GALNTL6: variants seen among roughly 807,000 people sequenced by gnomAD.
GALNTL6 encodes the protein polypeptide N-acetylgalactosaminyltransferase-like 6.
A neutral mutation model predicts 73.7 loss-of-function variants in GALNTL6; 46 were observed. The observed-to-expected ratio is 0.62, with a 90% CI of 0.49 to 0.80. GALNTL6 has a LOEUF of 0.80. GALNTL6 is among the 30% of genes least tolerant of loss of function. The pLI, the probability that GALNTL6 is intolerant of heterozygous loss-of-function variation, is 0.00. For synonymous variants in GALNTL6, 259 were observed against 263.7 expected (o/e 0.98, Z 0.17); for missense variants, 604 against 755.0 (o/e 0.80, Z 2.34).
At chr4:171,937,815 A>G (rs1560849414) in intron 2 of GALNTL6, among the ~76,000 whole-genome samples, 1 of 152,194 alleles carries the variant, frequency 6.6e-6, no homozygotes, top group Non-Finnish European at 1.5e-5. Context: ...CCCCAATTTT[A>G]GTGTTTTAAT....
chr4:171,925,047 G>T (rs144061460), intron 2 of GALNTL6, among the ~76,000 whole-genome samples: 1 of 152,096 alleles, frequency 6.6e-6, no homozygotes, highest in African/African-American at 2.4e-5. Context: ...AATGAAATGC[G>T]CAGGAAAACT....
At chr4:172,601,466 G>T (rs1181193731) in intron 5 of GALNTL6, among the ~76,000 whole-genome samples, 1 of 152,064 alleles carries the variant, frequency 6.6e-6, no homozygotes, top group Non-Finnish European at 1.5e-5. Context: ...CTGAAAATAG[G>T]TTGTTATAAA....
intron 2 of GALNTL6, among the ~76,000 whole-genome samples, chr4:171,996,293 G>C (rs1740480967): frequency 6.6e-6 from 1 of 152,042 alleles, no homozygotes; most frequent in African/African-American, 2.4e-5. Flanking sequence ...AAAAGCAGTA[G>C]CTCCATTTTC....
chr4:171,955,427 T>C (rs1347045012), intron 2 of GALNTL6, among the ~76,000 whole-genome samples: 1 of 151,932 alleles, frequency 6.6e-6, no homozygotes, highest in Non-Finnish European at 1.5e-5. Context: ...TGACCCCCGA[T>C]ATTCATGAAA....
intron 12 of GALNTL6, among the ~76,000 whole-genome samples, chr4:173,038,088 A>T (rs1452604835): frequency 6.6e-6 from 1 of 152,220 alleles, no homozygotes; most frequent in Non-Finnish European, 1.5e-5. Context: ...AAATACAGAT[A>T]GTGAAGAGGG....
intron 5 of GALNTL6, among the ~76,000 whole-genome samples, chr4:172,473,753 A>G (rs1463082716): frequency 6.6e-6 from 1 of 152,150 alleles, no homozygotes; most frequent in African/African-American, 2.4e-5. Flanking sequence ...GCTTTTCACC[A>G]CTTTGTCTAA....
At chr4:172,155,337 T>C (rs1734222555) in intron 2 of GALNTL6, among the ~76,000 whole-genome samples, 1 of 152,180 alleles carries the variant, frequency 6.6e-6, no homozygotes, top group South Asian at 2.1e-4. Flanking sequence ...GCTTGTTCAT[T>C]GCTTCCACCA....
chr4:172,335,905 C>T (rs966058854), intron 4 of GALNTL6, among the ~76,000 whole-genome samples: 3 of 152,030 alleles, frequency 2.0e-5, no homozygotes, highest in Admixed American at 6.5e-5. Context: ...TTTGGTTTTG[C>T]GATCCTTTGT....
intron 2 of GALNTL6, among the ~76,000 whole-genome samples, chr4:172,002,958 G>A (rs896576889): frequency 1.2e-4 from 19 of 152,142 alleles, no homozygotes; most frequent in Admixed American, 1.2e-3. Context: ...TAGGCTACAT[G>A]TAACACAATT....
intron 7 of GALNTL6, among the ~76,000 whole-genome samples, chr4:172,820,238 TAAC>T (rs1341308687): frequency 6.6e-6 from 1 of 152,180 alleles, no homozygotes; most frequent in Non-Finnish European, 1.5e-5. Flanking sequence ...ACAAAGGAGA[TAAC>T]AACAGATTGA....
chr4:172,069,535 A>ATGTTATATATAACACATAAATGTG (rs58953734), intron 2 of GALNTL6, among the ~76,000 whole-genome samples: 1 of 55,972 alleles, frequency 1.8e-5, no homozygotes, highest in South Asian at 5.0e-4. Flanking sequence ...TAACACATAT[A>ATGTTATATATAACACATAAATGTG]TTATATATAA....
intron 7 of GALNTL6, among the ~76,000 whole-genome samples, chr4:172,834,755 GC>G (rs1416859535): frequency 6.6e-6 from 1 of 152,214 alleles, no homozygotes; most frequent in Admixed American, 6.5e-5. Context: ...ATGGCCATTG[GC>G]CGCTTTCCTC....
chr4:172,021,743 T>C (rs1267799465), intron 2 of GALNTL6, among the ~76,000 whole-genome samples: 1 of 151,940 alleles, frequency 6.6e-6, no homozygotes, highest in Non-Finnish European at 1.5e-5. Flanking sequence ...TAAAAACATA[T>C]TATGTTCCAA....
At chr4:172,755,402 T>G (rs1364825458) in intron 5 of GALNTL6, among the ~76,000 whole-genome samples, 1 of 151,908 alleles carries the variant, frequency 6.6e-6, no homozygotes, top group Non-Finnish European at 1.5e-5. Flanking sequence ...ATGACTGTGG[T>G]TTTTAGAAGA....
At chr4:172,951,215 TTA>T (rs1396873873) in intron 9 of GALNTL6, among the ~76,000 whole-genome samples, 11 of 152,368 alleles carry the variant, frequency 7.2e-5, no homozygotes, top group Non-Finnish European at 1.6e-4. Flanking sequence ...GTTGCCTTAC[TTA>T]ATCCTACAGC....
chr4:172,372,808 G>T lies in GALNTL6; in HGVS notation c.553+24119G>T, dbSNP rs145955647. On this transcript the variant is annotated intron_variant, in intron 5 of 12. Transcript: ENST00000506823. ...GGGCCTGGCTATCTCGCTGTATCCG[G>T]GGATCCATAGTCGGCAAAAGCTGTT... Among the ~76,000 whole-genome samples, 147 of 152,164 alleles carry T rather than the reference G, an allele frequency of 9.7e-4. 1 individual carries two copies. In the South Asian group the frequency reaches 0.016, roughly 16 times the overall value.
intron 2 of GALNTL6, among the ~76,000 whole-genome samples, chr4:172,037,844 G>A (rs932875321): frequency 6.6e-6 from 1 of 152,144 alleles, no homozygotes; most frequent in Non-Finnish European, 1.5e-5. Flanking sequence ...GAGACCGGGA[G>A]CGTTGGCTCA....
At chr4:172,239,876 G>T (rs1441416496) in intron 3 of GALNTL6, among the ~76,000 whole-genome samples, 2 of 152,182 alleles carry the variant, frequency 1.3e-5, no homozygotes, top group African/African-American at 4.8e-5. Context: ...TCAGAATGCT[G>T]AAAACAGGCG....
At chr4:171,828,465 G>A (rs1054136227) in intron 2 of GALNTL6, among the ~76,000 whole-genome samples, 3 of 152,178 alleles carry the variant, frequency 2.0e-5, no homozygotes, top group Admixed American at 2.0e-4. Context: ...ACAAGACAAA[G>A]TAGAGTTGTT....
Sources: gnomAD v4.1 joint callset for allele counts (sites outside exome capture counted in the v4.1 genomes callset) on GRCh38, gnomAD v4.1.1 for gene constraint, MANE v1.5 for transcripts, NCBI Gene and HGNC (gene_info 2026-07-23, HGNC 2026-07-21) for gene names.